RAB3IL1: variants seen among roughly 807,000 people sequenced by gnomAD.
RAB3IL1 encodes the protein RAB3A interacting protein like 1.
A neutral mutation model predicts 49.2 loss-of-function variants in RAB3IL1; 37 were observed. That is an observed-to-expected ratio of 0.75 (90% CI 0.58 to 0.99). The LOEUF is 0.99. RAB3IL1 is among the 50% of genes least tolerant of loss of function. The pLI, the probability that RAB3IL1 is intolerant of heterozygous loss-of-function variation, is 0.00. For missense variants in RAB3IL1, 484 were observed against 513.0 expected (o/e 0.94, Z 0.55); for synonymous variants, 193 against 213.9 (o/e 0.90, Z 0.85).
intron 1 of RAB3IL1, among the ~76,000 whole-genome samples, chr11:61,915,200 G>T (rs948059101): frequency 6.6e-5 from 10 of 152,196 alleles, no homozygotes; most frequent in African/African-American, 2.4e-4. Flanking sequence ...AGGCCCCTGG[G>T]GGTGCAGGGG....
At chr11:61,904,006 G>A (rs370578744) in intron 7 of RAB3IL1, among the ~76,000 whole-genome samples, 5 of 151,730 alleles carry the variant, frequency 3.3e-5, no homozygotes, top group East Asian at 2.0e-4. Flanking sequence ...TGCACATTCC[G>A]TTCCCTCTGC....
chr11:61,916,138 G>C (rs1939675043), intron 1 of RAB3IL1, among the ~76,000 whole-genome samples: 1 of 152,006 alleles, frequency 6.6e-6, no homozygotes, highest in Admixed American at 6.6e-5. Context: ...CTGAGGTCAG[G>C]AGTTCGAGAC....
upstream of RAB3IL1, among the ~76,000 whole-genome samples, chr11:61,921,411 C>A (rs146594102): frequency 1.1e-3 from 161 of 152,332 alleles, no homozygotes; most frequent in Non-Finnish European, 1.8e-3. Context: ...TGCCATTGCC[C>A]AGATGTGCCC....
chr11:61,914,251 G>C (rs888418789), intron 1 of RAB3IL1, among the ~76,000 whole-genome samples: 4 of 152,188 alleles, frequency 2.6e-5, no homozygotes, highest in Non-Finnish European at 5.9e-5. Context: ...AGCCCTGCCT[G>C]CCGCAAAAAC....
At chr11:61,921,233 G>T (rs73491252), upstream of RAB3IL1, among the ~76,000 whole-genome samples, 27,284 of 151,904 alleles carry the variant, frequency 0.18, 2,739 homozygotes, top group South Asian at 0.39. Flanking sequence ...CACCACCACC[G>T]CCCAGGAACA....
chr11:61,936,986 A>G, the RAB3IL1 span, among the ~76,000 whole-genome samples: 5 of 152,338 alleles, frequency 3.3e-5, no homozygotes, highest in South Asian at 1.0e-3. Flanking sequence ...GACACTAGAT[A>G]GTAACTCAAA....
chr11:61,898,328 G>A lies in RAB3IL1; in HGVS notation c.1099C>T (p.Arg367Trp), dbSNP rs139969835. The change falls in exon 10 of 10, where the codon CGG becomes TGG. Residue 367 changes from arginine to tryptophan, a missense_variant. Transcript: ENST00000394836. This position sits in a 1 kb window ranked among gnomAD's most constrained non-coding sequence, Gnocchi z 5.1. Reference sequence around the variant, plus strand: ...AGCTTGGCCAGTGACATCTCCTTCCGCAACCTCATGATCTCCCAGAACATG... The same window carrying A: ...AGCTTGGCCAGTGACATCTCCTTCCACAACCTCATGATCTCCCAGAACATG... ...EPMFWEIMRLRKEMSLAKLGF... is the reference protein window; with the variant it reads ...EPMFWEIMRLWKEMSLAKLGF... The A allele has an allele frequency of 1.7e-5, 27 of 1,613,540 alleles. No homozygotes were observed. The highest frequency in any genetic ancestry group is 2.1e-5 in the Non-Finnish European group (25 of 1,179,984).
the RAB3IL1 span, among the ~76,000 whole-genome samples, chr11:61,937,090 T>C: frequency 6.6e-6 from 1 of 152,304 alleles, no homozygotes; most frequent in East Asian, 1.9e-4. Context: ...ATTTTTAGTT[T>C]AAACTCCTCT....
At chr11:61,925,271 C>A in the RAB3IL1 span, among the ~76,000 whole-genome samples, 2 of 152,188 alleles carry the variant, frequency 1.3e-5, no homozygotes, top group African/African-American at 4.8e-5. Flanking sequence ...ACCAGTCACT[C>A]TCTCAGGAGG....
Position 61,907,650 on chromosome 11 carries a change from A to G in RAB3IL1, c.275T>C (p.Leu92Pro), listed in dbSNP as rs1314866137. 6.2e-7 allele frequency: 1 copy of G among 1,613,902 alleles called. No homozygotes were observed. Among genetic ancestry groups the G allele is most frequent in the East Asian group, 2.2e-5 (1 of 44,830 alleles). ...CAGCCGCTCACATTCCTCGTCCTTT[A>G]GCTTCAGCTCCTGGAGGAAAAGAGG... ...ELHRAQKELK[L>P]KDEECERLSK... The change falls in exon 3 of 10, where the codon CTA (leucine) becomes CCA (proline). Residue 92 changes from leucine to proline, a missense_variant. Transcript: ENST00000394836.
At chr11:61,939,303 CAA>C in the RAB3IL1 span, among the ~76,000 whole-genome samples, 6 of 151,904 alleles carry the variant, frequency 3.9e-5, no homozygotes, top group African/African-American at 1.5e-4. Context: ...GAAAAAATCA[CAA>C]GAGAAATTAG....
At chr11:61,920,136 G>C (rs1264464342), upstream of RAB3IL1, 10 of 1,344,992 alleles carry the variant, frequency 7.4e-6, no homozygotes, top group African/African-American at 1.5e-5. Flanking sequence ...TCATGGCCAG[G>C]AACACGGGAC....
rs1460188087 is a variant in RAB3IL1, at chr11:61,902,532, G to A, written c.909C>T (p.Ala303=). 1.1e-5 allele frequency: 17 copies of A among 1,598,344 alleles called. No individual in the cohort carries two copies. Among genetic ancestry groups the A allele is most frequent in the Non-Finnish European group, 1.4e-5 (17 of 1,174,494 alleles). The change falls in exon 8 of 10, where the codon GCC becomes GCT. Residue 303 remains alanine (A), a synonymous_variant. Coordinates refer to ENST00000394836, the MANE Select transcript of RAB3IL1 (RefSeq NM_013401.4). ...EVDCSSTNTC[A]LSGLTRTCRH... ...GGCAGGTGCGGGTCAGCCCGCTCAG[G>A]GCACATGTGCTAGGGGAAAGCAAAA...
In RAB3IL1 at chr11:61,906,410, C is replaced by T. The variant is rs987394221; in HGVS notation, c.657+56G>A. ...TGGTCCTCACTGGGCTCGGACCCTGCCTACCGCAGGCACTGCCACCCTTCC... is the reference window on the plus strand; with the variant it reads ...TGGTCCTCACTGGGCTCGGACCCTGTCTACCGCAGGCACTGCCACCCTTCC... On this transcript the variant is annotated intron_variant, in intron 5 of 9. Transcript: ENST00000394836. The surrounding 1 kb of genome is among the most constrained non-coding windows in gnomAD (Gnocchi z 4.6). The T allele has an allele frequency of 3.8e-5, 56 of 1,471,112 alleles. No homozygotes were observed. Among genetic ancestry groups the T allele is most frequent in the Non-Finnish European group, 4.6e-5 (50 of 1,088,706 alleles). 91.1% of individuals were successfully genotyped at this position (1,471,112 alleles called of 1,614,324 possible). A position where few individuals can be genotyped will look rare whatever the true frequency, so the allele number is the denominator to read the frequency against.
At chr11:61,900,358 A>G (rs1447779295) in intron 8 of RAB3IL1, among the ~76,000 whole-genome samples, 1 of 152,334 alleles carries the variant, frequency 6.6e-6, no homozygotes, top group East Asian at 1.9e-4. Flanking sequence ...AACAGCCCCT[A>G]CTGAATGTCC....
the RAB3IL1 span, among the ~76,000 whole-genome samples, chr11:61,928,177 A>G: frequency 2.6e-5 from 4 of 151,958 alleles, no homozygotes; most frequent in East Asian, 7.7e-4. Flanking sequence ...AAAAAAAAAA[A>G]TTCTAGAAAA....
rs149473334 is a variant in RAB3IL1, at chr11:61,906,776, C to T, written c.439-92G>A. On this transcript the variant is annotated intron_variant, in intron 4 of 9. Coordinates refer to ENST00000394836, the MANE Select transcript of RAB3IL1 (RefSeq NM_013401.4). This position sits in a 1 kb window ranked among gnomAD's most constrained non-coding sequence, Gnocchi z 4.6. The stretch of plus-strand genomic sequence containing the variant: ...TCAGCCTAACTCAGGACAATGCACC[C>T]CTGCAGTGACAGGCACTTAGTCCCA... 5.0e-3 allele frequency: 6,109 copies of T among 1,216,470 alleles called. 25 individuals carry two copies. Among genetic ancestry groups the T allele is most frequent in the Non-Finnish European group, 6.1e-3 (5,241 of 852,344 alleles). The allele number at this position is 1,216,470 out of a possible 1,614,324, so 75.4% of individuals were successfully genotyped here.
At chr11:61,932,266 A>G in the RAB3IL1 span, among the ~76,000 whole-genome samples, 2 of 152,082 alleles carry the variant, frequency 1.3e-5, no homozygotes, top group Admixed American at 6.6e-5. Flanking sequence ...AAAAAAGAAA[A>G]GAAAATGAAG....
At chr11:61,934,452 A>ATG in the RAB3IL1 span, among the ~76,000 whole-genome samples, 731 of 12,222 alleles carry the variant, frequency 0.06, 11 homozygotes, top group Middle Eastern at 0.4. Flanking sequence ...GTGTGTATGT[A>ATG]TATATATATA....
Sources: gnomAD v4.1 joint callset for allele counts (sites outside exome capture counted in the v4.1 genomes callset) on GRCh38, gnomAD v4.1.1 for gene constraint, Gnocchi (gnomAD v3.1) non-coding constraint, MANE v1.5 for transcripts, NCBI Gene and HGNC (gene_info 2026-07-23, HGNC 2026-07-21) for gene names.